Variants in CAP1 observed in about 807,000 individuals in gnomAD.
CAP1 encodes cyclase associated actin cytoskeleton regulatory protein 1, also known as adenylyl cyclase-associated protein 1.
CAP1 carries 11 observed loss-of-function variants against 58.2 expected under a neutral mutation model. The observed-to-expected ratio is 0.19, with a 90% CI of 0.12 to 0.31. The LOEUF is 0.31. Ranked by LOEUF, CAP1 falls within the 10% of genes least tolerant of loss-of-function variation. CAP1 has a pLI of 1.00. For missense variants in CAP1, 423 were observed against 587.5 expected (o/e 0.72, Z 2.89); for synonymous variants, 183 against 213.8 (o/e 0.86, Z 1.26).
intron 6 of CAP1, among the ~76,000 whole-genome samples, chr1:40,064,946 C>T (rs1191051065): frequency 1.3e-5 from 2 of 152,170 alleles, no homozygotes; most frequent in Admixed American, 6.5e-5. Context: ...GAGGGCTGCC[C>T]TTAGCCACTG....
intron 1 of CAP1, among the ~76,000 whole-genome samples, chr1:40,044,302 C>T (rs1645980968): frequency 6.6e-6 from 1 of 151,514 alleles, no homozygotes; most frequent in Non-Finnish European, 1.5e-5. Context: ...TTTTTTTTTA[C>T]TTAAGCAAAT....
intron 1 of CAP1, among the ~76,000 whole-genome samples, chr1:40,048,672 G>A (rs1010246616): frequency 2.0e-5 from 3 of 152,068 alleles, no homozygotes; most frequent in African/African-American, 4.8e-5. Context: ...TAAATTTTGC[G>A]TTCAAGTTTT....
Position 40,070,287 on chromosome 1 carries a change from G to A in CAP1, c.1117+5G>A. 1 of 1,614,178 alleles carries A rather than the reference G, an allele frequency of 6.2e-7. No homozygotes were observed. The highest frequency in any genetic ancestry group is 2.2e-5 in the East Asian group (1 of 44,882). On this transcript the variant is annotated splice_donor_5th_base_variant and intron_variant, in intron 10 of 12. Transcript: ENST00000372805. The stretch of plus-strand genomic sequence containing the variant: ...AAATTAACTCCATTACAGTAGGTGA[G>A]TCTTTGTCGCTGTCCCACGCAAGCC...
At chr1:40,065,294 C>T (rs755035733) in intron 6 of CAP1, among the ~76,000 whole-genome samples, 1 of 152,232 alleles carries the variant, frequency 6.6e-6, no homozygotes, top group African/African-American at 2.4e-5. Context: ...GTAGGGCAGT[C>T]ATTGCATGTC....
chr1:40,049,690 A>G (rs1159031252), intron 1 of CAP1, among the ~76,000 whole-genome samples: 1 of 152,126 alleles, frequency 6.6e-6, no homozygotes, highest in Admixed American at 6.6e-5. Context: ...TTATTTCTAA[A>G]TACTCACTAG....
chr1:40,045,455 A>G (rs1401655193), intron 1 of CAP1, among the ~76,000 whole-genome samples: 1 of 152,206 alleles, frequency 6.6e-6, no homozygotes, highest in African/African-American at 2.4e-5. Flanking sequence ...TTGGAGTACA[A>G]TGGTGCAATC....
intron 1 of CAP1, 44 bp from the exon 2 acceptor site, chr1:40,059,293 A>G (rs1419590259): frequency 1.7e-6 from 2 of 1,162,170 alleles, no homozygotes; most frequent in East Asian, 2.3e-5. Flanking sequence ...TGTAGGTGCT[A>G]TTTAATATTT....
chr1:40,040,713 G>C (rs1470027594), upstream of CAP1: 1 of 152,844 alleles, frequency 6.5e-6, no homozygotes, highest in African/African-American at 2.4e-5. Flanking sequence ...GTGAGGGCCC[G>C]GAAGTGGGTC....
chr1:40,041,884 G>A (rs1645849271), intron 1 of CAP1, among the ~76,000 whole-genome samples: 1 of 152,192 alleles, frequency 6.6e-6, no homozygotes, highest in Non-Finnish European at 1.5e-5. Flanking sequence ...AATTTTGAAG[G>A]ATAAATAGGA....
intron 1 of CAP1, 115 bp from the exon 2 acceptor site, chr1:40,059,222 C>T: frequency 8.3e-6 from 5 of 599,834 alleles, no homozygotes; most frequent in South Asian, 4.3e-5. Flanking sequence ...TATTCTGTTC[C>T]TGAGAATTGG....
intron 1 of CAP1, among the ~76,000 whole-genome samples, chr1:40,048,655 A>G (rs1428944853): frequency 6.6e-6 from 1 of 152,322 alleles, no homozygotes; most frequent in Admixed American, 6.5e-5. Context: ...AAATGTGACA[A>G]ATATTGTAAA....
chr1:40,060,310 C>T, intron 3 of CAP1, 140 bp downstream of exon 3: 2 of 605,120 alleles, frequency 3.3e-6, no homozygotes, highest in Non-Finnish European at 5.9e-6. Context: ...TTCTCTTTTG[C>T]CTGTACTGAG....
chr1:40,051,748 T>C (rs983791562), intron 1 of CAP1, among the ~76,000 whole-genome samples: 1 of 151,950 alleles, frequency 6.6e-6, no homozygotes, highest in African/African-American at 2.4e-5. Flanking sequence ...GCTAATTTTT[T>C]TTATTAGAGA....
In CAP1 at chr1:40,067,507, GGAT is replaced by G. The variant is rs745310139; in HGVS notation, c.631-25_631-23del. On this transcript the variant is annotated intron_variant, in intron 7 of 12. Coordinates refer to ENST00000372805, the MANE Select transcript of CAP1 (RefSeq NM_006367.4). ...GGAATGGTACAGAGGGGAGCAGAGAGGATGATGATGTTACCTGCACTTATTGTT... is the reference window on the plus strand; with the variant it reads ...GGAATGGTACAGAGGGGAGCAGAGAGGATGATGTTACCTGCACTTATTGTT... 5.1e-6 allele frequency: 8 copies of G among 1,573,786 alleles called. No individual in the cohort carries two copies. In the African/African-American group the frequency reaches 5.4e-5, roughly 11 times the overall value.
At chr1:40,071,119 G>C in intron 12 of CAP1, 140 bp downstream of exon 12, 1 of 835,290 alleles carries the variant, frequency 1.2e-6, no homozygotes, top group Non-Finnish European at 1.9e-6. Flanking sequence ...ACACAGAAAT[G>C]AGGTAGTCCC....
chr1:40,055,865 C>T (rs1306844969), intron 1 of CAP1, among the ~76,000 whole-genome samples: 1 of 152,084 alleles, frequency 6.6e-6, no homozygotes, highest in Admixed American at 6.6e-5. Flanking sequence ...TCATGAGATA[C>T]ACTAAATAGA....
At chr1:40,046,147 C>T (rs1457463228) in intron 1 of CAP1, among the ~76,000 whole-genome samples, 1 of 152,116 alleles carries the variant, frequency 6.6e-6, no homozygotes, top group Admixed American at 6.5e-5. Flanking sequence ...TGGACAGGGA[C>T]TATCATTTAT....
At chr1:40,049,537 G>C (rs532625228) in intron 1 of CAP1, among the ~76,000 whole-genome samples, 1 of 152,214 alleles carries the variant, frequency 6.6e-6, no homozygotes, top group African/African-American at 2.4e-5. Flanking sequence ...AACCACAATA[G>C]ACATTGCTGG....
intron 8 of CAP1, among the ~76,000 whole-genome samples, chr1:40,068,574 G>A (rs937779635): frequency 5.3e-5 from 8 of 151,852 alleles, no homozygotes; most frequent in East Asian, 1.9e-4. Flanking sequence ...CACCACGCCC[G>A]GCCTCTTGAT....
Sources: allele counts gnomAD v4.1 joint callset (sites outside exome capture counted in the v4.1 genomes callset), GRCh38; gene constraint gnomAD v4.1.1; transcripts MANE v1.5; gene names NCBI Gene and HGNC (gene_info 2026-07-23, HGNC 2026-07-21).